SLIT3: variants seen among roughly 807,000 people sequenced by gnomAD.
SLIT3 encodes slit homolog 3 protein.
A neutral mutation model predicts 184.0 loss-of-function variants in SLIT3; 68 were observed. The observed-to-expected ratio is 0.37, with a 90% CI of 0.30 to 0.45. SLIT3 has a LOEUF of 0.45. Ranked by LOEUF, SLIT3 falls within the 20% of genes least tolerant of loss-of-function variation. SLIT3 has a pLI of 1.00. For missense variants in SLIT3, 1,707 were observed against 2,026.0 expected (o/e 0.84, Z 3.02); for synonymous variants, 831 against 828.6 (o/e 1.00, Z -0.05).
intron 9 of SLIT3, among the ~76,000 whole-genome samples, chr5:168,804,966 G>T (rs1253160383): frequency 6.6e-6 from 1 of 152,178 alleles, no homozygotes; most frequent in African/African-American, 2.4e-5. Context: ...CTTTGCACAT[G>T]CGATTCCCTC....
At chr5:168,761,983 A>G (rs546957915) in intron 15 of SLIT3, among the ~76,000 whole-genome samples, 1 of 142,576 alleles carries the variant, frequency 7.0e-6, no homozygotes, top group South Asian at 2.3e-4. Flanking sequence ...GTTGCCCAGG[A>G]TAGTACTGAA....
chr5:168,884,549 GATATATATATATATATATATAT>G lies in SLIT3; in HGVS notation c.414-1235_414-1214del, dbSNP rs58407375. On this transcript the variant is annotated intron_variant, in intron 4 of 35. Transcript: ENST00000519560. ...ATCTAACTACTGCTACCAATTACGA[GATATATATATATATATATATAT>G]ATATATATATGAAATTCCACCAATA... Among the ~76,000 whole-genome samples the G allele has an allele frequency of 2.2e-4, 9 of 41,152 alleles. No homozygotes were observed. The South Asian group carries it at 4.1e-3, about 19-fold the overall frequency. 27.0% of individuals were successfully genotyped at this position (41,152 alleles called of 152,430 possible).
At chr5:168,734,267 C>T (rs112806738) in intron 20 of SLIT3, among the ~76,000 whole-genome samples, 3 of 152,306 alleles carry the variant, frequency 2.0e-5, no homozygotes, top group South Asian at 2.1e-4. Flanking sequence ...ACCAAACAAC[C>T]GAGCACCACA....
intron 8 of SLIT3, among the ~76,000 whole-genome samples, chr5:168,809,985 A>G (rs13157322): frequency 0.13 from 19,246 of 152,052 alleles, 1,623 homozygotes; most frequent in South Asian, 0.25. Flanking sequence ...TGCTGGCAAA[A>G]TCACTTGTCC....
chr5:169,232,637 C>A (rs975764521), intron 3 of SLIT3, among the ~76,000 whole-genome samples: 1 of 152,204 alleles, frequency 6.6e-6, no homozygotes, highest in African/African-American at 2.4e-5. Flanking sequence ...TATGGTTACC[C>A]AATTACTCTA....
chr5:169,079,653 AAG>A (rs1758906976), intron 4 of SLIT3, among the ~76,000 whole-genome samples: 1 of 53,014 alleles, frequency 1.9e-5, no homozygotes, highest in African/African-American at 8.0e-5. Context: ...AGGAGGAGGG[AAG>A]AGGAGGAGGA....
chr5:168,893,496 CAGGGGGAGGA>C (rs1293617575), intron 4 of SLIT3, among the ~76,000 whole-genome samples: 1 of 151,918 alleles, frequency 6.6e-6, no homozygotes, highest in Non-Finnish European at 1.5e-5. Flanking sequence ...CAGGGGAAGG[CAGGGGGAGGA>C]GAGGGGGAGG....
chr5:168,892,393 GA>G (rs1760499358), intron 4 of SLIT3, among the ~76,000 whole-genome samples: 1 of 152,192 alleles, frequency 6.6e-6, no homozygotes, highest in South Asian at 2.1e-4. Context: ...GTATGTTTTA[GA>G]ATAAGGAACT....
rs116502205 is a variant in SLIT3, at chr5:168,927,859, T to C, written c.414-44523A>G. 2.8e-3 allele frequency among the ~76,000 whole-genome samples: 432 copies of C among 152,380 alleles called. 2 individuals are homozygous for C. The highest frequency in any genetic ancestry group is 0.01 in the African/African-American group (419 of 41,600). On this transcript the variant is annotated intron_variant, in intron 4 of 35. Coordinates refer to ENST00000519560, the MANE Select transcript of SLIT3 (RefSeq NM_003062.4). ...ATACTGCAGGACTGGGTGCCTATGA[T>C]GAATTGGATAACTGAGACATGTTTA...
chr5:168,774,603 T>A (rs1755679202), intron 12 of SLIT3, among the ~76,000 whole-genome samples: 1 of 152,160 alleles, frequency 6.6e-6, no homozygotes, highest in Non-Finnish European at 1.5e-5. Flanking sequence ...CACTATGCCA[T>A]ACACTGCTCT....
chr5:168,697,648 T>C (rs1762101650), intron 27 of SLIT3, among the ~76,000 whole-genome samples: 1 of 152,218 alleles, frequency 6.6e-6, no homozygotes, highest in East Asian at 1.9e-4. Context: ...TCAGTGGTCC[T>C]AGAATCCTAC....
At chr5:169,035,812 G>C (rs1002921652) in intron 4 of SLIT3, among the ~76,000 whole-genome samples, 1 of 152,116 alleles carries the variant, frequency 6.6e-6, no homozygotes, top group African/African-American at 2.4e-5. Context: ...GGAATGAGAG[G>C]CTCCTTGAAA....
intron 32 of SLIT3, among the ~76,000 whole-genome samples, 164 bp from the exon 33 acceptor site, chr5:168,673,495 G>A (rs889802410): frequency 3.3e-5 from 5 of 152,174 alleles, no homozygotes; most frequent in Non-Finnish European, 7.3e-5. Context: ...CAGTACAGAA[G>A]ATGCTTATTA....
At position 168,711,017 on chromosome 5, in the gene SLIT3, C is replaced by T. The variant is rs773961175; in HGVS notation, c.2597G>A (p.Arg866Gln). Residue 866 changes from arginine to glutamine, a missense_variant, in exon 25 of 36, where the codon CGG (arginine) becomes CAG (glutamine). Arg to Gln is a conservative substitution (Grantham distance 43). Coordinates refer to ENST00000519560, the MANE Select transcript of SLIT3 (RefSeq NM_003062.4). ...TNPLHCDCSLRWLSEWVKAGY... is the reference protein window; with the variant it reads ...TNPLHCDCSLQWLSEWVKAGY... ...CGCCTTCACCCACTCCGACAGCCACCGAAGACTGCAGTCACAGTGGAGTGG... is the reference window on the plus strand; with the variant it reads ...CGCCTTCACCCACTCCGACAGCCACTGAAGACTGCAGTCACAGTGGAGTGG... 8 of 1,586,292 alleles carry T rather than the reference C, an allele frequency of 5.0e-6. No homozygotes were observed. The highest frequency in any genetic ancestry group is 4.6e-5 in the East Asian group (2 of 43,348).
intron 4 of SLIT3, among the ~76,000 whole-genome samples, chr5:169,061,504 A>T (rs1758172631): frequency 6.6e-6 from 1 of 152,214 alleles, no homozygotes; most frequent in Non-Finnish European, 1.5e-5. Flanking sequence ...CATGGTTCTG[A>T]TCGCAAAGCA....
chr5:168,952,658 A>G (rs1383025101), intron 4 of SLIT3, among the ~76,000 whole-genome samples: 1 of 151,916 alleles, frequency 6.6e-6, no homozygotes, highest in Non-Finnish European at 1.5e-5. Flanking sequence ...GGGTAGTGAG[A>G]AAAGGAAAAG....
In SLIT3 at chr5:168,772,829, C is replaced by G. The variant is rs1470213688; in HGVS notation, c.1411G>C (p.Ala471Pro). The G allele has an allele frequency of 6.2e-7, 1 of 1,613,866 alleles. No individual in the cohort carries two copies. Among genetic ancestry groups the G allele is most frequent in the Non-Finnish European group, 8.5e-7 (1 of 1,180,012 alleles). The change falls in exon 14 of 36, where the codon GCC becomes CCC. Residue 471 changes from alanine (A) to proline (P), a missense_variant. Transcript: ENST00000519560. Reference sequence around the variant, plus strand: ...TTGATCTGGCTGATGCGCTTGTTGGCGAGTCGGCGCGGGCTGCTGCAGCGG... The same window carrying G: ...TTGATCTGGCTGATGCGCTTGTTGGGGAGTCGGCGCGGGCTGCTGCAGCGG... ...GARCSSPRRL[A>P]NKRISQIKSK...
In SLIT3 at chr5:168,749,567, C is replaced by G. The variant is rs996605370; in HGVS notation, c.2042G>C (p.Arg681Thr). Reference sequence around the variant, plus strand: ...CCTAGGGTTCCCACTGACGATCCGCCTCTTCCTCAACCACTTGCCGAGCCA... The same window carrying G: ...CCTAGGGTTCCCACTGACGATCCGCGTCTTCCTCAACCACTTGCCGAGCCA... The part of the protein sequence containing the change: ...LAWLGKWLRK[R>T]RIVSGNPRCQ... Residue 681 changes from arginine to threonine, a missense_variant, in exon 19 of 36, where the codon AGG becomes ACG. Around this residue, in one of 3 missense-constraint regions of SLIT3, gnomAD observed 1,307 missense variants for 1,511.6 expected, o/e 0.86. Transcript: ENST00000519560. 6.2e-7 allele frequency: 1 copy of G among 1,614,108 alleles called. No homozygotes were observed. The highest frequency in any genetic ancestry group is 8.5e-7 in the Non-Finnish European group (1 of 1,180,052).
At chr5:168,973,402 C>T (rs915145325) in intron 4 of SLIT3, among the ~76,000 whole-genome samples, 4 of 152,112 alleles carry the variant, frequency 2.6e-5, no homozygotes, top group Non-Finnish European at 4.4e-5. Flanking sequence ...TGCTCACTGC[C>T]ACACCCAGCT....
Sources: gnomAD v4.1 joint callset for allele counts (sites outside exome capture counted in the v4.1 genomes callset) on GRCh38, gnomAD v4.1.1 for gene constraint, gnomAD v4.1.1 regional missense constraint, MANE v1.5 for transcripts, NCBI Gene and HGNC (gene_info 2026-07-23, HGNC 2026-07-21) for gene names.